Variants in ACTG2 observed in about 807,000 individuals in gnomAD.
ACTG2 encodes actin, gamma-enteric smooth muscle.
ACTG2 carries 16 observed loss-of-function variants against 37.6 expected under a neutral mutation model. That is an observed-to-expected ratio of 0.43 (90% CI 0.29 to 0.65). ACTG2 has a LOEUF of 0.65. Ranked by LOEUF, ACTG2 falls within the 30% of genes least tolerant of loss-of-function variation. The pLI is 0.18. For synonymous variants in ACTG2, 181 were observed against 179.9 expected, an observed-to-expected ratio of 1.01 and a Z score of -0.05; for missense variants, 238 against 490.9, an observed-to-expected ratio of 0.48 and a Z score of 4.87.
In ACTG2 at chr2:73,894,040, G is replaced by A. The variant is rs1228571622; in HGVS notation, c.-37+989G>A. Among the ~76,000 whole-genome samples, 3 of 152,180 alleles carry A rather than the reference G, an allele frequency of 2.0e-5. No individual in the cohort carries two copies. The East Asian group carries it at 5.8e-4, about 29-fold the overall frequency. ...AATAATATCTACTTGGCGATGGTGT[G>A]AGGATTAAACGAGAGAATGCGTATA... is the stretch of plus-strand genomic sequence containing the variant. On this transcript the variant is annotated intron_variant, in intron 1 of 8. Coordinates refer to ENST00000345517, the MANE Select transcript of ACTG2 (RefSeq NM_001615.4).
At chr2:73,899,270 T>G (rs1679824921) in intron 1 of ACTG2, among the ~76,000 whole-genome samples, 1 of 152,112 alleles carries the variant, frequency 6.6e-6, no homozygotes, top group African/African-American at 2.4e-5. Flanking sequence ...CAGACCAGCC[T>G]GGGCAACAGA....
chr2:73,906,668 G>T (rs138251123), intron 3 of ACTG2, among the ~76,000 whole-genome samples: 106 of 151,988 alleles, frequency 7.0e-4, no homozygotes, highest in African/African-American at 2.5e-3. Flanking sequence ...TGTAGAGACA[G>T]GGTCTCACTT....
chr2:73,901,565 TGTGTGTGTGTGTGTGTCTGTGC>T (rs1379880598), intron 2 of ACTG2, 128 bp downstream of exon 2: 1,356 of 116,344 alleles, frequency 0.012, 1 homozygote, highest in Admixed American at 0.019. Flanking sequence ...TGTGTGTGTG[TGTGTGTGTGTGTGTGTCTGTGC>T]GTGTGTGTGT....
At chr2:73,902,585 C>G (rs1721243) in intron 3 of ACTG2, 97 bp downstream of exon 3, 907,539 of 1,568,580 alleles carry the variant, frequency 0.58, 265,866 homozygotes, top group Admixed American at 0.72. Context: ...AACTCTCCCT[C>G]TAAAATGCTT....
chr2:73,916,709 G>A lies in ACTG2; in HGVS notation c.931G>A (p.Ala311Thr). ...SGGTTMYPGIADRMQKEITAL... is the reference protein window; with the variant it reads ...SGGTTMYPGITDRMQKEITAL... ...GGGCACCACCATGTACCCTGGCATT[G>A]CTGACAGGATGCAGAAGGAGATCAC... Residue 311 changes from alanine (A) to threonine (T), a missense_variant, in exon 8 of 9, where the codon GCT (alanine) becomes ACT (threonine). Physicochemically the swap from Ala to Thr is moderately conservative, Grantham distance 58. Transcript: ENST00000345517. The A allele has an allele frequency of 1.2e-6, 2 of 1,614,150 alleles. No homozygotes were observed. Among genetic ancestry groups the A allele is most frequent in the Non-Finnish European group, 1.7e-6 (2 of 1,180,018 alleles).
In ACTG2 at chr2:73,916,760, A is replaced by T; in HGVS notation, c.982A>T (p.Ile328Phe). Residue 328 changes from isoleucine to phenylalanine, a missense_variant, in exon 8 of 9, where the codon ATC becomes TTC. Coordinates refer to ENST00000345517, the MANE Select transcript of ACTG2 (RefSeq NM_001615.4). ...AGCCCTGGCCCCCAGCACCATGAAGATCAAGGTGGGTCTTGCCTCAGTTGT... is the reference window on the plus strand; with the variant it reads ...AGCCCTGGCCCCCAGCACCATGAAGTTCAAGGTGGGTCTTGCCTCAGTTGT... ...ITALAPSTMK[I>F]KIIAPPERKY... 2 of 1,613,514 alleles carry T rather than the reference A, an allele frequency of 1.2e-6. No homozygotes were observed. The highest frequency in any genetic ancestry group is 1.7e-6 in the Non-Finnish European group (2 of 1,179,736).
Position 73,909,151 on chromosome 2 carries a change from T to A in ACTG2, c.451+12T>A. On this transcript the variant is annotated intron_variant, in intron 5 of 8. Transcript: ENST00000345517. ...TGGCCGCACGACAGGTGAGTAATCCTGTAATCCATTCCTTTTCTGACTTCA... is the reference window on the plus strand; with the variant it reads ...TGGCCGCACGACAGGTGAGTAATCCAGTAATCCATTCCTTTTCTGACTTCA... 2 of 1,606,380 alleles carry A rather than the reference T, an allele frequency of 1.2e-6. No homozygotes were observed. The highest frequency in any genetic ancestry group is 1.7e-6 in the Non-Finnish European group (2 of 1,172,918).
chr2:73,907,346 C>A (rs1173539395), intron 3 of ACTG2, among the ~76,000 whole-genome samples: 1 of 152,168 alleles, frequency 6.6e-6, no homozygotes, highest in Non-Finnish European at 1.5e-5. Flanking sequence ...TGACCCTGTG[C>A]CTCACCTCTG....
chr2:73,908,854 C>T (rs765069245), intron 4 of ACTG2, 71 bp downstream of exon 4: 1 of 1,389,986 alleles, frequency 7.2e-7, no homozygotes, highest in Non-Finnish European at 1.0e-6. Flanking sequence ...TACTTTCTCC[C>T]CTTCAAACAT....
At chr2:73,901,587 C>CGT (rs140664533) in intron 2 of ACTG2, 150 bp downstream of exon 2, 2,269 of 143,954 alleles carry the variant, frequency 0.016, 16 homozygotes, top group Admixed American at 0.059. Flanking sequence ...TGTGTCTGTG[C>CGT]GTGTGTGTGT....
rs749252651 is a variant in ACTG2 at position 73,914,750 on chromosome 2, G to A, written c.684G>A (p.Met228Ile). ...TGGCCCTGGATTTTGAGAATGAGAT[G>A]GCCACAGCAGCTTCCTCTTCCTCCC... is the stretch of plus-strand genomic sequence containing the variant. The part of the protein sequence containing the change: ...CYVALDFENE[M>I]ATAASSSSLE... The change falls in exon 7 of 9, where the codon ATG (methionine) becomes ATA (isoleucine). Residue 228 changes from methionine to isoleucine, a missense_variant. Physicochemically the swap from Met to Ile is conservative, Grantham distance 10. Transcript: ENST00000345517. 2.5e-6 allele frequency: 4 copies of A among 1,612,488 alleles called. No homozygotes were observed. Among genetic ancestry groups the A allele is most frequent in the Non-Finnish European group, 3.4e-6 (4 of 1,179,196 alleles).
chr2:73,919,456 T>G lies in ACTG2; in HGVS notation c.1012T>G (p.Tyr338Asp). Residue 338 changes from tyrosine to aspartate, a missense_variant, in exon 9 of 9, where the codon TAC becomes GAC. Physicochemically the swap from Tyr to Asp is radical, Grantham distance 160 (BLOSUM62 -3). Transcript: ENST00000345517. ...IKIIAPPERKYSVWIGGSILA... is the reference protein window; with the variant it reads ...IKIIAPPERKDSVWIGGSILA... ...GATTATTGCTCCCCCAGAGCGGAAG[T>G]ACTCAGTCTGGATCGGGGGCTCTAT... 6.2e-7 allele frequency: 1 copy of G among 1,613,978 alleles called. No homozygotes were observed. Among genetic ancestry groups the G allele is most frequent in the Non-Finnish European group, 8.5e-7 (1 of 1,180,026 alleles).
intron 6 of ACTG2, among the ~76,000 whole-genome samples, chr2:73,914,281 C>CA (rs1431415046): frequency 6.6e-6 from 1 of 152,042 alleles, no homozygotes; most frequent in African/African-American, 2.4e-5. Flanking sequence ...GACGTGAGGC[C>CA]AGGCGTGGTG....
chr2:73,906,693 G>C (rs1332258346), intron 3 of ACTG2, among the ~76,000 whole-genome samples: 1 of 151,986 alleles, frequency 6.6e-6, no homozygotes, highest in Non-Finnish European at 1.5e-5. Context: ...ACCCAGGCTG[G>C]TCTCCAACCC....
chr2:73,902,556 T>C, intron 3 of ACTG2, 68 bp downstream of exon 3: 5 of 1,597,030 alleles, frequency 3.1e-6, no homozygotes, highest in Non-Finnish European at 3.4e-6. Flanking sequence ...CTCGTATTCA[T>C]AGGCCACTGT....
At position 73,899,466 on chromosome 2, in the gene ACTG2, A is replaced by AATAT. The variant is rs368034313; in HGVS notation, c.-36-1797_-36-1794dup. On this transcript the variant is annotated intron_variant, in intron 1 of 8. Coordinates refer to ENST00000345517, the MANE Select transcript of ACTG2 (RefSeq NM_001615.4). ...GACAGAGCAAGACCCCATCTCAAAA[A>AATAT]ATATATATATATATATCTTCTGATT... 3.3e-5 allele frequency among the ~76,000 whole-genome samples: 5 copies of AATAT among 150,470 alleles called. No homozygotes were observed. In the East Asian group the frequency reaches 9.7e-4, roughly 29 times the overall value.
chr2:73,913,658 C>T lies in ACTG2; in HGVS notation c.613+12C>T. On this transcript the variant is annotated intron_variant, in intron 6 of 8. Coordinates refer to ENST00000345517, the MANE Select transcript of ACTG2 (RefSeq NM_001615.4). ...CTTTGTGACCACAGGTATCCAGCCCCTTTTCTGATTCTGACTGGAGCTCAG... is the reference window on the plus strand; with the variant it reads ...CTTTGTGACCACAGGTATCCAGCCCTTTTTCTGATTCTGACTGGAGCTCAG... 6.2e-7 allele frequency: 1 copy of T among 1,602,258 alleles called. No homozygotes were observed. Among genetic ancestry groups the T allele is most frequent in the South Asian group, 1.1e-5 (1 of 90,140 alleles).
chr2:73,901,576 GTGTGTC>G (rs1259309890), intron 2 of ACTG2, 139 bp downstream of exon 2: 15 of 182,570 alleles, frequency 8.2e-5, no homozygotes, highest in African/African-American at 5.5e-4. Flanking sequence ...GTGTGTGTGT[GTGTGTC>G]TGTGCGTGTG....
intron 1 of ACTG2, among the ~76,000 whole-genome samples, chr2:73,893,392 G>C (rs1679670460): frequency 6.6e-6 from 1 of 152,224 alleles, no homozygotes; most frequent in Non-Finnish European, 1.5e-5. Context: ...GAATGTCTGG[G>C]AGGCTGTTTT....
Sources: allele counts gnomAD v4.1 joint callset (sites outside exome capture counted in the v4.1 genomes callset), GRCh38; gene constraint gnomAD v4.1.1; transcripts MANE v1.5; gene names NCBI Gene and HGNC (gene_info 2026-07-23, HGNC 2026-07-21).